Variants in VOPP1 observed in about 807,000 individuals in gnomAD.
VOPP1 encodes WW domain binding protein VOPP1.
Under a neutral mutation model 23.5 loss-of-function variants are expected in VOPP1, and 8 were observed. The ratio of observed to expected loss-of-function variants is 0.34; its 90% CI spans 0.20 to 0.61. The LOEUF (loss-of-function observed/expected upper bound fraction) is 0.61, where lower values mean the gene tolerates loss of function less well. VOPP1 is among the 20% of genes least tolerant of loss of function. VOPP1 has a pLI of 0.78. For synonymous variants in VOPP1, 83 were observed against 97.3 expected (o/e 0.85, Z 0.86); for missense variants, 174 against 238.1 (o/e 0.73, Z 1.77).
chr7:55,551,275 C>G (rs564773301), intron 1 of VOPP1, among the ~76,000 whole-genome samples: 1 of 152,214 alleles, frequency 6.6e-6, no homozygotes, highest in Non-Finnish European at 1.5e-5. Context: ...TTTCATCACT[C>G]CTAGAGTCAA....
At chr7:55,476,281 T>C (rs1335763413) in intron 4 of VOPP1, among the ~76,000 whole-genome samples, 2 of 152,166 alleles carry the variant, frequency 1.3e-5, no homozygotes, top group East Asian at 3.9e-4. Context: ...CAGCAAAGAC[T>C]GGGAGGACAC....
downstream of VOPP1, among the ~76,000 whole-genome samples, chr7:55,466,510 G>T (rs1023201492): frequency 2.0e-5 from 3 of 152,152 alleles, no homozygotes; most frequent in African/African-American, 7.2e-5. Flanking sequence ...GGGGACTGAG[G>T]GGGGAAACCA....
chr7:55,483,482 G>A (rs1189626826), intron 4 of VOPP1, among the ~76,000 whole-genome samples: 1 of 152,142 alleles, frequency 6.6e-6, no homozygotes, highest in African/African-American at 2.4e-5. Context: ...TCTGGGCCCA[G>A]GAAGGACCCC....
At chr7:55,557,462 CAA>C (rs140308199) in intron 1 of VOPP1, among the ~76,000 whole-genome samples, 23 of 137,758 alleles carry the variant, frequency 1.7e-4, no homozygotes, top group East Asian at 4.3e-4. Context: ...TAAGATGTTT[CAA>C]AAAAAAAAAA....
At chr7:55,449,516 A>T (rs1343396685) in intron 4 of VOPP1, among the ~76,000 whole-genome samples, 1 of 152,312 alleles carries the variant, frequency 6.6e-6, no homozygotes, top group African/African-American at 2.4e-5. Flanking sequence ...GTCTCGGAGA[A>T]GGGCGCGGCC....
downstream of VOPP1, among the ~76,000 whole-genome samples, chr7:55,469,784 A>G (rs1456834723): frequency 3.9e-5 from 6 of 152,200 alleles, no homozygotes; most frequent in Admixed American, 1.3e-4. Context: ...AGACTGTTCA[A>G]TATACTTGTG....
intron 3 of VOPP1, 37 bp from the exon 4 acceptor site, chr7:55,492,455 GT>G: frequency 6.3e-7 from 1 of 1,577,858 alleles, no homozygotes; most frequent in Non-Finnish European, 8.6e-7. Context: ...GTGCTCCCAG[GT>G]GGGGGCCCTG....
intron 1 of VOPP1, among the ~76,000 whole-genome samples, chr7:55,568,401 A>G (rs1290688512): frequency 6.6e-6 from 1 of 152,196 alleles, no homozygotes; most frequent in African/African-American, 2.4e-5. Context: ...TTCTAGTCCA[A>G]GAAGATCTGT....
chr7:55,538,815 TAAA>T (rs756997390), intron 1 of VOPP1: 9 of 132,392 alleles, frequency 6.8e-5, no homozygotes, highest in Non-Finnish European at 1.1e-4. Flanking sequence ...CAACATTTCT[TAAA>T]AAAAAAAAAA....
Position 55,521,103 on chromosome 7 carries a change from A to G in VOPP1, c.82T>C (p.Tyr28His), listed in dbSNP as rs1795819250. The change falls in exon 2 of 5, where the codon TAT becomes CAT. Residue 28 changes from tyrosine to histidine, a missense_variant. Transcript: ENST00000285279. ...TAGGTTGGATAGAGTCCTTCGAAAT[A>G]CCAGCAATGCTTTTTGGCTTCTGTG... ...ECTEAKKHCWYFEGLYPTYYI... is the reference protein window; with the variant it reads ...ECTEAKKHCWHFEGLYPTYYI... 1 of 1,583,892 alleles carries G rather than the reference A, an allele frequency of 6.3e-7. No individual in the cohort carries two copies. Among genetic ancestry groups the G allele is most frequent in the Admixed American group, 1.8e-5 (1 of 55,530 alleles).
At chr7:55,443,686 C>A (rs1416388977) in intron 4 of VOPP1, among the ~76,000 whole-genome samples, 2 of 149,892 alleles carry the variant, frequency 1.3e-5, no homozygotes, top group Non-Finnish European at 3.0e-5. Flanking sequence ...CTCTTATCAC[C>A]CAGGCTGGAG....
chr7:55,449,719 G>A (rs1004345403), intron 4 of VOPP1, among the ~76,000 whole-genome samples: 2 of 152,154 alleles, frequency 1.3e-5, no homozygotes, highest in African/African-American at 4.8e-5. Flanking sequence ...TGTCCTGGGA[G>A]AGGAGAGCAG....
chr7:55,520,949 G>T, intron 2 of VOPP1, 123 bp downstream of exon 2: 2 of 1,000,646 alleles, frequency 2.0e-6, no homozygotes, highest in Non-Finnish European at 3.0e-6. Flanking sequence ...GGCAAGCCTG[G>T]CACCGCAGCA....
chr7:55,505,569 C>A (rs542033355), intron 2 of VOPP1, among the ~76,000 whole-genome samples: 1 of 150,252 alleles, frequency 6.7e-6, no homozygotes, highest in African/African-American at 2.5e-5. Flanking sequence ...AAAAAATGGG[C>A]ACGTGCATTT....
At chr7:55,538,273 T>C (rs1454876893) in intron 1 of VOPP1, among the ~76,000 whole-genome samples, 1 of 152,200 alleles carries the variant, frequency 6.6e-6, no homozygotes, top group Non-Finnish European at 1.5e-5. Flanking sequence ...ACTTAGGAAC[T>C]CTCTTCTCCA....
chr7:55,473,197 G>A (rs1791971203), intron 4 of VOPP1, among the ~76,000 whole-genome samples, 152 bp from the exon 5 acceptor site: 4 of 152,202 alleles, frequency 2.6e-5, no homozygotes, highest in Non-Finnish European at 5.9e-5. Flanking sequence ...GGGCACCTGG[G>A]CTGTGGTGAC....
chr7:55,484,822 T>C (rs1583876830), intron 4 of VOPP1, among the ~76,000 whole-genome samples: 1 of 152,170 alleles, frequency 6.6e-6, no homozygotes, highest in African/African-American at 2.4e-5. Flanking sequence ...CACACCGACT[T>C]CTGGCCTCTA....
At chr7:55,457,803 T>C (rs1484479980) in intron 4 of VOPP1, among the ~76,000 whole-genome samples, 1 of 146,052 alleles carries the variant, frequency 6.8e-6, no homozygotes, top group African/African-American at 2.5e-5. Context: ...TTAAAAGGGA[T>C]TTTTTTTTTG....
chr7:55,552,015 T>C (rs1463722431), intron 1 of VOPP1, among the ~76,000 whole-genome samples: 1 of 120,758 alleles, frequency 8.3e-6, no homozygotes. Flanking sequence ...AGAGTGAGAC[T>C]GTGTCCAAAA....
Sources: allele counts gnomAD v4.1 joint callset (sites outside exome capture counted in the v4.1 genomes callset), GRCh38; gene constraint gnomAD v4.1.1; transcripts MANE v1.5; gene names NCBI Gene and HGNC (gene_info 2026-07-23, HGNC 2026-07-21).